Variants in USH2A observed in about 807,000 individuals in gnomAD.
USH2A encodes the protein Usher syndrome 2A (autosomal recessive, mild).
A neutral mutation model predicts 538.9 loss-of-function variants in USH2A; 443 were observed. That is an observed-to-expected ratio of 0.82 (90% CI 0.76 to 0.89). The LOEUF is 0.89. Among genes scored for constraint, USH2A ranks in the 40% least tolerant of loss-of-function variants. USH2A has a pLI of 0.00. For synonymous variants in USH2A, 2,413 were observed against 2,273.5 expected, an observed-to-expected ratio of 1.06 and a Z score of -1.75; for missense variants, 6,633 against 6,324.8, an observed-to-expected ratio of 1.05 and a Z score of -1.65.
At chr1:216,364,835 G>T (rs774609607) in intron 4 of USH2A, 118 bp downstream of exon 4, 75 of 1,345,748 alleles carry the variant, frequency 5.6e-5, no homozygotes, top group Non-Finnish European at 7.2e-5. Context: ...GTGGTAATTT[G>T]TTCAGTAGCC....
rs537875092 is a variant in USH2A, at chr1:216,326,226, T to G, written c.849-627A>C. Among the ~76,000 whole-genome samples, 19 of 152,304 alleles carry G rather than the reference T, an allele frequency of 1.2e-4. No individual in the cohort carries two copies. The South Asian group carries it at 3.1e-3, about 25-fold the overall frequency. On this transcript the variant is annotated intron_variant, in intron 5 of 71. Transcript: ENST00000307340. ...CAGGTAGATATATTTAATTTTTCCATTAGGGGCAATATACTTGTTCTAGAC... is the reference window on the plus strand; with the variant it reads ...CAGGTAGATATATTTAATTTTTCCAGTAGGGGCAATATACTTGTTCTAGAC...
intron 37 of USH2A, among the ~76,000 whole-genome samples, chr1:215,954,187 C>T (rs1667001985): frequency 1.3e-5 from 2 of 152,058 alleles, no homozygotes; most frequent in Admixed American, 6.5e-5. Flanking sequence ...CTAGAAATAC[C>T]ATTTGACCCA....
rs551295323 is a variant in USH2A at position 215,630,044 on chromosome 1, C to CT, written c.15298-1010dup. ...CCCGCCTCGGCCTCCCATTTCTTTT[C>CT]TTTTTTCAGTAGAGTTTTCACTCAT... On this transcript the variant is annotated intron_variant, in intron 70 of 71. Transcript: ENST00000307340. 8.3e-4 allele frequency: 418 copies of CT among 501,778 alleles called. 3 individuals carry two copies. The highest frequency in any genetic ancestry group is 7.4e-3 in the African/African-American group (381 of 51,394). 31.1% of individuals were successfully genotyped at this position (501,778 alleles called of 1,614,324 possible).
intron 6 of USH2A, among the ~76,000 whole-genome samples, chr1:216,324,881 G>A (rs1199664748): frequency 6.6e-6 from 1 of 152,098 alleles, no homozygotes; most frequent in African/African-American, 2.4e-5. Flanking sequence ...ATATGTCCAA[G>A]TACTACTGTC....
At chr1:215,776,445 T>G (rs1038452281) in intron 55 of USH2A, among the ~76,000 whole-genome samples, 2 of 152,218 alleles carry the variant, frequency 1.3e-5, no homozygotes, top group Admixed American at 6.5e-5. Context: ...CATTCGCCAC[T>G]ATTCCCACAA....
intron 35 of USH2A, among the ~76,000 whole-genome samples, chr1:215,982,295 G>A (rs1448801706): frequency 6.6e-6 from 1 of 152,202 alleles, no homozygotes; most frequent in East Asian, 1.9e-4. Flanking sequence ...TTAGTAATAA[G>A]CACTGTGCAC....
At chr1:216,318,755 G>A (rs760302001) in intron 9 of USH2A, among the ~76,000 whole-genome samples, 1 of 152,114 alleles carries the variant, frequency 6.6e-6, no homozygotes, top group South Asian at 2.1e-4. Context: ...GCATTAAAAT[G>A]TATTCTCAAC....
At chr1:215,909,210 G>T (rs976976779) in intron 38 of USH2A, among the ~76,000 whole-genome samples, 1 of 151,626 alleles carries the variant, frequency 6.6e-6, no homozygotes, top group African/African-American at 2.4e-5. Flanking sequence ...ATTAAGAGGG[G>T]TGAGATGAAA....
chr1:215,926,210 C>CA (rs56162024), intron 38 of USH2A, among the ~76,000 whole-genome samples: 434 of 111,562 alleles, frequency 3.9e-3, no homozygotes, highest in African/African-American at 0.011. Context: ...AGAGACCCTG[C>CA]AAAAAAAAAA....
At chr1:216,301,404 G>A (rs1038723355) in intron 9 of USH2A, among the ~76,000 whole-genome samples, 4 of 152,154 alleles carry the variant, frequency 2.6e-5, no homozygotes, top group African/African-American at 9.7e-5. Flanking sequence ...CCTAGAAGGA[G>A]CCCTAGAACA....
intron 61 of USH2A, among the ~76,000 whole-genome samples, chr1:215,707,343 T>C (rs3927749): frequency 0.8 from 121,518 of 152,018 alleles, 49,002 homozygotes; most frequent in East Asian, 1. Context: ...AAGAATTGAG[T>C]TTAAGTTCTG....
At chr1:216,329,334 A>G (rs1032930045) in intron 4 of USH2A, among the ~76,000 whole-genome samples, 1 of 152,186 alleles carries the variant, frequency 6.6e-6, no homozygotes, top group Admixed American at 6.6e-5. Context: ...TCCAGGATCT[A>G]AAGTTAAACA....
At chr1:216,205,198 A>C (rs1342525625) in intron 16 of USH2A, among the ~76,000 whole-genome samples, 1 of 152,206 alleles carries the variant, frequency 6.6e-6, no homozygotes, top group Non-Finnish European at 1.5e-5. Flanking sequence ...AACTTCAGAA[A>C]TAATCAGTGG....
chr1:215,740,293 G>A (rs1660266216), intron 60 of USH2A, among the ~76,000 whole-genome samples: 1 of 152,020 alleles, frequency 6.6e-6, no homozygotes. Flanking sequence ...ATCTGGTGAA[G>A]ACTAGATCAG....
chr1:216,200,524 A>C (rs1021307425), intron 16 of USH2A, among the ~76,000 whole-genome samples: 53 of 152,302 alleles, frequency 3.5e-4, no homozygotes, highest in Non-Finnish European at 3.5e-4. Flanking sequence ...CCAAGGGGTA[A>C]ATCTGTCACC....
chr1:215,936,954 T>C (rs1026146325), intron 37 of USH2A, among the ~76,000 whole-genome samples: 3 of 152,054 alleles, frequency 2.0e-5, no homozygotes, highest in African/African-American at 7.2e-5. Context: ...TGTAAAAACA[T>C]ACAAAAAGTT....
Position 216,070,271 on chromosome 1 carries a change from G to A in USH2A, c.5879C>T (p.Pro1960Leu), listed in dbSNP as rs993560288. ...TGAAPQSVPTPSRVRSLNGYS... is the reference protein window; with the variant it reads ...TGAAPQSVPTLSRVRSLNGYS... The stretch of plus-strand genomic sequence containing the variant: ...TCCATTTAAGCTGCGGACTCTTGAG[G>A]GAGTTGGCACACTTTGTGGAGCTGT... The change falls in exon 30 of 72, where the codon CCC (proline) becomes CTC (leucine). Residue 1960 changes from proline to leucine, a missense_variant. Physicochemically the swap from Pro to Leu is moderately conservative, Grantham distance 98. Coordinates refer to ENST00000307340, the MANE Select transcript of USH2A (RefSeq NM_206933.4). 4 of 1,613,916 alleles carry A rather than the reference G, an allele frequency of 2.5e-6. No individual in the cohort carries two copies. The highest frequency in any genetic ancestry group is 1.7e-4 in the Middle Eastern group (1 of 6,058).
chr1:215,844,389 T>C lies in USH2A; in HGVS notation c.9163A>G (p.Ile3055Val), dbSNP rs1663780646. The C allele has an allele frequency of 6.2e-7, 1 of 1,613,768 alleles. No individual in the cohort carries two copies. The highest frequency in any genetic ancestry group is 1.1e-5 in the South Asian group (1 of 91,076). Residue 3055 changes from isoleucine to valine, a missense_variant, in exon 46 of 72, where the codon ATC becomes GTC. Ile to Val is a conservative substitution (Grantham distance 29, BLOSUM62 3). Coordinates refer to ENST00000307340, the MANE Select transcript of USH2A (RefSeq NM_206933.4). ...NPNGVVTEYSIYVNNKLYKTG... is the reference protein window; with the variant it reads ...NPNGVVTEYSVYVNNKLYKTG... ...TTGTAGAGCTTATTATTTACATAGA[T>C]AGAATACTCAGTGACAACACCATTT...
intron 21 of USH2A, among the ~76,000 whole-genome samples, chr1:216,111,015 C>G (rs1383228249): frequency 1.3e-5 from 2 of 152,120 alleles, no homozygotes; most frequent in East Asian, 1.9e-4. Context: ...CACTTTAGGT[C>G]AGGAGTTTGA....
Sources: allele counts gnomAD v4.1 joint callset (sites outside exome capture counted in the v4.1 genomes callset), GRCh38; gene constraint gnomAD v4.1.1; transcripts MANE v1.5; gene names NCBI Gene and HGNC (gene_info 2026-07-23, HGNC 2026-07-21).